Variants in EYA1 observed in about 807,000 individuals in gnomAD.
EYA1 encodes the protein EYA transcriptional coactivator and phosphatase 1, also known as protein phosphatase EYA1.
EYA1 carries 16 observed loss-of-function variants against 82.0 expected under a neutral mutation model. The observed-to-expected ratio is 0.20, with a 90% CI of 0.13 to 0.30. The LOEUF is 0.30. Ranked by LOEUF, EYA1 falls within the 10% of genes least tolerant of loss-of-function variation. The pLI, the probability that EYA1 is intolerant of heterozygous loss-of-function variation, is 1.00. For missense variants in EYA1, 633 were observed against 730.7 expected (o/e 0.87, Z 1.54); for synonymous variants, 261 against 264.4 (o/e 0.99, Z 0.12).
rs527437287 is a variant in EYA1, at chr8:71,455,748, G to T, written c.33+79996C>A. Among the ~76,000 whole-genome samples, 11 of 152,240 alleles carry T rather than the reference G, an allele frequency of 7.2e-5. No homozygotes were observed. In the East Asian group the frequency reaches 1.7e-3, roughly 24 times the overall value. On this transcript the variant is annotated intron_variant, in intron 2 of 18. Coordinates refer to the EYA1 transcript ENST00000643681. Reference sequence around the variant, plus strand: ...CTCTCAATAAATTCAGTATTGATGGGATGGATCTCAAAATAATAAGAGCTA... The same window carrying T: ...CTCTCAATAAATTCAGTATTGATGGTATGGATCTCAAAATAATAAGAGCTA...
chr8:71,259,100 T>C lies in EYA1; in HGVS notation c.1050+10640A>G, dbSNP rs181480023. Among the ~76,000 whole-genome samples the C allele has an allele frequency of 2.5e-3, 386 of 152,288 alleles. 1 individual carries two copies. The highest frequency in any genetic ancestry group is 8.7e-3 in the African/African-American group (361 of 41,556). On this transcript the variant is annotated intron_variant, in intron 11 of 17. Coordinates refer to ENST00000340726, the MANE Select transcript of EYA1 (RefSeq NM_000503.6). The stretch of plus-strand genomic sequence containing the variant: ...ACTGATAGTATTGGGTAAGCACACA[T>C]CATTTTTCCTATAAATCCAGCAGCT...
chr8:71,426,043 A>C (rs936042456), intron 2 of EYA1, among the ~76,000 whole-genome samples: 1 of 152,190 alleles, frequency 6.6e-6, no homozygotes, highest in African/African-American at 2.4e-5. Context: ...TAAGCAAGGA[A>C]TGAAATATAA....
intron 2 of EYA1, among the ~76,000 whole-genome samples, chr8:71,502,633 G>C (rs1397093688): frequency 6.6e-6 from 1 of 152,054 alleles, no homozygotes; most frequent in Non-Finnish European, 1.5e-5. Context: ...CATTTTATCT[G>C]GCAACTCTAG....
intron 4 of EYA1, among the ~76,000 whole-genome samples, chr8:71,327,686 A>G (rs1312015483): frequency 6.6e-6 from 1 of 152,032 alleles, no homozygotes. Flanking sequence ...CTTCCCTGGA[A>G]GAGTGAGAGT....
At chr8:71,492,249 A>G (rs1811057479) in intron 2 of EYA1, among the ~76,000 whole-genome samples, 2 of 152,214 alleles carry the variant, frequency 1.3e-5, no homozygotes, top group Admixed American at 1.3e-4. Flanking sequence ...TGAAGGGCAG[A>G]TCTGCTAAAT....
chr8:71,348,476 G>A (rs770113921), intron 3 of EYA1, among the ~76,000 whole-genome samples: 1 of 152,236 alleles, frequency 6.6e-6, no homozygotes, highest in African/African-American at 2.4e-5. Flanking sequence ...CCACAGAACT[G>A]TGATTCTCTG....
intron 3 of EYA1, among the ~76,000 whole-genome samples, chr8:71,347,511 A>G (rs1825855331): frequency 6.6e-6 from 1 of 151,898 alleles, no homozygotes; most frequent in Non-Finnish European, 1.5e-5. Flanking sequence ...TTTAGTAGAG[A>G]CGGGGTTTCA....
At chr8:71,262,226 A>T (rs1815211506) in intron 11 of EYA1, among the ~76,000 whole-genome samples, 1 of 152,246 alleles carries the variant, frequency 6.6e-6, no homozygotes, top group Admixed American at 6.5e-5. Flanking sequence ...ATAAAAGTTG[A>T]ACAAAGATGC....
intron 2 of EYA1, among the ~76,000 whole-genome samples, chr8:71,377,095 C>A (rs1462431057): frequency 1.3e-5 from 2 of 152,160 alleles, no homozygotes; most frequent in Non-Finnish European, 2.9e-5. Flanking sequence ...ATGAACCATA[C>A]CTCCTCAAAT....
chr8:71,256,689 T>C (rs1006159553), intron 11 of EYA1, among the ~76,000 whole-genome samples: 7 of 152,166 alleles, frequency 4.6e-5, no homozygotes, highest in Non-Finnish European at 1.0e-4. Flanking sequence ...AAATTTTTTA[T>C]GTGTATATCA....
intron 11 of EYA1, among the ~76,000 whole-genome samples, chr8:71,267,143 C>T (rs567563490): frequency 5.3e-5 from 8 of 152,264 alleles, no homozygotes; most frequent in Non-Finnish European, 8.8e-5. Flanking sequence ...TGTGGTCCCC[C>T]GATGACTTCC....
intron 2 of EYA1, among the ~76,000 whole-genome samples, chr8:71,429,559 T>C (rs1563605872): frequency 1.3e-5 from 2 of 152,012 alleles, no homozygotes. Context: ...CAGATTTTTG[T>C]CAAAAATCAC....
chr8:71,504,646 C>T (rs1024910695), intron 2 of EYA1, among the ~76,000 whole-genome samples: 3 of 152,118 alleles, frequency 2.0e-5, no homozygotes, highest in Admixed American at 2.0e-4. Context: ...TCAGAATCAC[C>T]TGGGATGCTT....
rs35440740 is a variant in EYA1 at position 71,534,904 on chromosome 8, TAAAAA to T, written c.33+835_33+839del. Among the ~76,000 whole-genome samples, 3 of 126,150 alleles carry T rather than the reference TAAAAA, an allele frequency of 2.4e-5. No individual in the cohort carries two copies. The East Asian group carries it at 6.8e-4, about 28-fold the overall frequency. The allele number at this position is 126,150 out of a possible 152,430, so 82.8% of individuals were successfully genotyped here. A position where few individuals can be genotyped will look rare whatever the true frequency, so the allele number is the denominator to read the frequency against. ...AAAATATTAAAAAAGAAATGAAAGC[TAAAAA>T]AAAAAAAAAAAAGAATTCTACTGTG... On this transcript the variant is annotated intron_variant, in intron 2 of 18. Transcript: ENST00000643681.
chr8:71,396,897 C>T (rs1291322303), intron 2 of EYA1, among the ~76,000 whole-genome samples: 1 of 152,116 alleles, frequency 6.6e-6, no homozygotes, highest in Non-Finnish European at 1.5e-5. Flanking sequence ...GTGTCAAAGT[C>T]TCCCATTATT....
chr8:71,472,849 A>G (rs1809336941), intron 2 of EYA1, among the ~76,000 whole-genome samples: 1 of 148,790 alleles, frequency 6.7e-6, no homozygotes. Flanking sequence ...ATTTATATTT[A>G]TGTTTATTTA....
rs1043770408 is a variant in EYA1, at chr8:71,265,172, TTTTTGATAG to T, written c.1050+4559_1050+4567del. Among the ~76,000 whole-genome samples the T allele has an allele frequency of 1.2e-3, 186 of 152,248 alleles. 1 individual carries two copies. The highest frequency in any genetic ancestry group is 4.2e-3 in the African/African-American group (175 of 41,512). On this transcript the variant is annotated intron_variant, in intron 11 of 17. Transcript: ENST00000340726. ...CAAGTTTTTGTTTTTGTTTTGTTTT[TTTTTGATAG>T]TGAAGCTTCACCTACTTTCAAATAT... is the stretch of plus-strand genomic sequence containing the variant.
At chr8:71,356,821 G>A in intron 1 of EYA1, 2 of 953,658 alleles carry the variant, frequency 2.1e-6, no homozygotes, top group South Asian at 1.0e-4. Context: ...ATGCAAAGCA[G>A]CCTTGCCCAG....
intron 9 of EYA1, among the ~76,000 whole-genome samples, chr8:71,282,409 T>A (rs1817910219): frequency 1.3e-5 from 2 of 152,240 alleles, no homozygotes; most frequent in African/African-American, 2.4e-5. Context: ...TTATCCCATT[T>A]TCTCTTGAAC....
Sources: allele counts gnomAD v4.1 joint callset (sites outside exome capture counted in the v4.1 genomes callset), GRCh38; gene constraint gnomAD v4.1.1; transcripts MANE v1.5; gene names NCBI Gene and HGNC (gene_info 2026-07-23, HGNC 2026-07-21).